Variants in COL23A1 observed in about 807,000 individuals in gnomAD.
The protein encoded by COL23A1 is collagen alpha-1(XXIII) chain.
COL23A1 carries 97 observed loss-of-function variants against 99.3 expected under a neutral mutation model. That is an observed-to-expected ratio of 0.98 (90% confidence interval 0.83 to 1.16). COL23A1 has a LOEUF of 1.16. COL23A1 is among the 50% of genes most tolerant of loss of function. COL23A1 has a pLI of 0.00. For missense variants in COL23A1, 762 were observed against 757.4 expected (o/e 1.01, Z -0.07); for synonymous variants, 320 against 308.2 (o/e 1.04, Z -0.40).
intron 2 of COL23A1, among the ~76,000 whole-genome samples, chr5:178,543,457 G>C (rs1761408146): frequency 1.3e-5 from 2 of 152,150 alleles, no homozygotes; most frequent in Admixed American, 1.3e-4. Context: ...AAGGATGACA[G>C]CCTGCTCAAA....
At chr5:178,341,614 G>C (rs973725513) in intron 2 of COL23A1, among the ~76,000 whole-genome samples, 3 of 152,186 alleles carry the variant, frequency 2.0e-5, no homozygotes, top group African/African-American at 7.2e-5. Context: ...GGTGGGTGAG[G>C]CTGGAAGAGG....
intron 2 of COL23A1, among the ~76,000 whole-genome samples, chr5:178,545,457 A>T (rs1220358066): frequency 6.6e-6 from 1 of 152,234 alleles, no homozygotes; most frequent in African/African-American, 2.4e-5. Context: ...GGCAGAACTG[A>T]AAAGAATGAA....
intron 2 of COL23A1, among the ~76,000 whole-genome samples, chr5:178,558,371 C>T (rs1238073028): frequency 6.6e-5 from 10 of 152,234 alleles, no homozygotes; most frequent in East Asian, 3.9e-4. Context: ...CTGATTGATC[C>T]GGGAGCTCCA....
At chr5:178,251,987 C>T (rs1310174190) in intron 17 of COL23A1, among the ~76,000 whole-genome samples, 1 of 147,280 alleles carries the variant, frequency 6.8e-6, no homozygotes, top group Non-Finnish European at 1.5e-5. Context: ...AATCTTGGCT[C>T]ATTGCGACCT....
chr5:178,358,310 GTGTGTA>G (rs201167068), intron 2 of COL23A1, among the ~76,000 whole-genome samples: 1,888 of 148,556 alleles, frequency 0.013, 37 homozygotes, highest in African/African-American at 0.04. Flanking sequence ...GTATGTATGT[GTGTGTA>G]TGTGTATGTG....
chr5:178,321,480 C>CATTTTTTTTTTTTTTTT (rs761651933), intron 2 of COL23A1, among the ~76,000 whole-genome samples: 1 of 109,040 alleles, frequency 9.2e-6, no homozygotes, highest in African/African-American at 4.0e-5. Flanking sequence ...GTCACCTTCC[C>CATTTTTTTTTTTTTTTT]TTTTTTTTTT....
intron 2 of COL23A1, among the ~76,000 whole-genome samples, chr5:178,471,816 C>T (rs1032893094): frequency 3.3e-5 from 5 of 152,132 alleles, no homozygotes; most frequent in Non-Finnish European, 5.9e-5. Flanking sequence ...CTGGCCAATC[C>T]GAACCCTGCT....
Position 178,439,938 on chromosome 5 carries a change from C to G in COL23A1, c.361+120744G>C, listed in dbSNP as rs1201940219. On this transcript the variant is annotated intron_variant, in intron 2 of 28. Transcript: ENST00000390654. This position sits in a 1 kb window ranked among gnomAD's most constrained non-coding sequence, Gnocchi z 4.2. ...ACACAAAGGACTGGATTGTAGGAGT[C>G]CATGTGTACACGGTTTCTAGAAAGG... is the stretch of plus-strand genomic sequence containing the variant. 1 of 152,150 alleles carries G rather than the reference C, an allele frequency of 6.6e-6. No individual in the cohort carries two copies. The highest frequency in any genetic ancestry group is 1.5e-5 in the Non-Finnish European group (1 of 68,044). The allele number at this position is 152,150 out of a possible 1,614,324, so 9.4% of individuals were successfully genotyped here.
intron 2 of COL23A1, among the ~76,000 whole-genome samples, chr5:178,370,528 C>T (rs1386892152): frequency 1.3e-5 from 2 of 151,958 alleles, no homozygotes; most frequent in South Asian, 2.1e-4. Flanking sequence ...GGACATTGGC[C>T]AACGGATATA....
At chr5:178,359,674 C>T (rs1216019854) in intron 2 of COL23A1, among the ~76,000 whole-genome samples, 3 of 152,204 alleles carry the variant, frequency 2.0e-5, no homozygotes, top group Admixed American at 6.5e-5. Context: ...TCCTGCTGCA[C>T]GCTGGCTCTG....
At chr5:178,320,253 G>A (rs1378703203) in intron 2 of COL23A1, among the ~76,000 whole-genome samples, 2 of 152,222 alleles carry the variant, frequency 1.3e-5, no homozygotes, top group Non-Finnish European at 2.9e-5. Context: ...ACGCTGGCTC[G>A]TGGCTGCAGC....
intron 2 of COL23A1, among the ~76,000 whole-genome samples, chr5:178,510,840 A>G (rs1407998316): frequency 6.6e-6 from 1 of 152,200 alleles, no homozygotes; most frequent in African/African-American, 2.4e-5. Context: ...ATATCTGTAC[A>G]AGCAAAAACC....
intron 2 of COL23A1, among the ~76,000 whole-genome samples, chr5:178,357,736 G>GTGTGTGTATGTA (rs1353482179): frequency 0.087 from 13,029 of 150,020 alleles, 657 homozygotes; most frequent in Middle Eastern, 0.22. Flanking sequence ...GTGTGTGTGT[G>GTGTGTGTATGTA]TATGTACGTG....
intron 2 of COL23A1, among the ~76,000 whole-genome samples, chr5:178,535,119 C>G (rs567141127): frequency 6.6e-6 from 1 of 151,754 alleles, no homozygotes; most frequent in Non-Finnish European, 1.5e-5. Flanking sequence ...ATTACAGGCG[C>G]CTGCTACCAC....
intron 2 of COL23A1, among the ~76,000 whole-genome samples, chr5:178,381,315 G>A (rs982562856): frequency 2.6e-5 from 4 of 152,204 alleles, no homozygotes; most frequent in Non-Finnish European, 5.9e-5. Context: ...GACCCTGCCG[G>A]CTCCCCTACT....
chr5:178,376,646 A>G (rs757946303), intron 2 of COL23A1, among the ~76,000 whole-genome samples: 3 of 152,246 alleles, frequency 2.0e-5, no homozygotes, highest in African/African-American at 2.4e-5. Flanking sequence ...TAGAAGAGAA[A>G]TCGGAAGCTC....
At chr5:178,426,551 T>C (rs574525530) in intron 2 of COL23A1, among the ~76,000 whole-genome samples, 21 of 152,324 alleles carry the variant, frequency 1.4e-4, no homozygotes, top group African/African-American at 4.6e-4. Context: ...GCTCTGGCTG[T>C]GGTCCATCCC....
intron 1 of COL23A1, among the ~76,000 whole-genome samples, chr5:178,576,585 G>C (rs1371500922): frequency 6.6e-6 from 1 of 152,146 alleles, no homozygotes; most frequent in African/African-American, 2.4e-5. Flanking sequence ...CGCCCTCCAG[G>C]GTTCACCATG....
chr5:178,587,599 C>T (rs1764066251), intron 1 of COL23A1, among the ~76,000 whole-genome samples: 1 of 152,176 alleles, frequency 6.6e-6, no homozygotes, highest in South Asian at 2.1e-4. Context: ...GGAAAAGAGG[C>T]TTCACTGAGA....
Sources: gnomAD v4.1 joint callset for allele counts (sites outside exome capture counted in the v4.1 genomes callset) on GRCh38, gnomAD v4.1.1 for gene constraint, Gnocchi (gnomAD v3.1) non-coding constraint, MANE v1.5 for transcripts, NCBI Gene and HGNC (gene_info 2026-07-23, HGNC 2026-07-21) for gene names.